Variants in CMC1 observed in about 807,000 individuals in gnomAD.
The protein encoded by CMC1 is C-X9-C motif containing 1, also known as COX assembly mitochondrial protein homolog.
Under a neutral mutation model 14.1 loss-of-function variants are expected in CMC1, and 14 were observed. That is an observed-to-expected ratio of 0.99 (90% CI 0.66 to 1.55). CMC1 has a LOEUF of 1.55. Ranked by LOEUF, CMC1 falls within the 40% of genes most tolerant of loss-of-function variation. The probability of loss-of-function intolerance (pLI) is 0.00; values close to 1 mark genes in which losing one functional copy is unlikely to be tolerated. For missense variants in CMC1, 127 were observed against 123.8 expected, an observed-to-expected ratio of 1.03 and a Z score of -0.12; for synonymous variants, 50 against 38.4, an observed-to-expected ratio of 1.30 and a Z score of -1.12.
chr3:28,307,336 C>A (rs1003363206), intron 2 of CMC1, among the ~76,000 whole-genome samples: 1 of 152,014 alleles, frequency 6.6e-6, no homozygotes, highest in Non-Finnish European at 1.5e-5. Context: ...CCAGCCTGTG[C>A]AATATAGCAA....
chr3:28,309,374 G>A (rs1169921536), intron 2 of CMC1, among the ~76,000 whole-genome samples: 2 of 152,134 alleles, frequency 1.3e-5, no homozygotes, highest in East Asian at 1.9e-4. Flanking sequence ...TGGTGAGTGT[G>A]TGTTATGTAA....
At chr3:28,306,619 A>G (rs1434234323) in intron 2 of CMC1, among the ~76,000 whole-genome samples, 1 of 151,730 alleles carries the variant, frequency 6.6e-6, no homozygotes, top group Non-Finnish European at 1.5e-5. Context: ...TTGTTGGTGA[A>G]CTACTTACAT....
At chr3:28,310,824 A>G (rs1044755943) in intron 2 of CMC1, among the ~76,000 whole-genome samples, 21 of 152,222 alleles carry the variant, frequency 1.4e-4, no homozygotes. Flanking sequence ...GGATGAAACT[A>G]TTCCACCTCA....
intron 1 of CMC1, among the ~76,000 whole-genome samples, chr3:28,248,886 T>G (rs1028222877): frequency 6.6e-6 from 1 of 152,080 alleles, no homozygotes; most frequent in Non-Finnish European, 1.5e-5. Context: ...GCTTCCTGGG[T>G]TTGTGCCATT....
At position 28,316,418 on chromosome 3, in the gene CMC1, T is replaced by G; in HGVS notation, c.195T>G (p.Thr65=). Residue 65 remains threonine (T), a synonymous_variant, in exon 3 of 4, where the codon ACT becomes ACG. Transcript: ENST00000466830. The part of the protein sequence containing the change: ...KENSALKECL[T]AYYNDPAFYE... ...ATTCTGCATTGAAAGAATGTCTAAC[T>G]GCTTAGTAAGTAGTTGTCTCAGCGT... 1 of 1,581,686 alleles carries G rather than the reference T, an allele frequency of 6.3e-7. No individual in the cohort carries two copies. The highest frequency in any genetic ancestry group is 8.6e-7 in the Non-Finnish European group (1 of 1,158,822).
At chr3:28,263,599 T>A (rs928559355) in intron 2 of CMC1, among the ~76,000 whole-genome samples, 1 of 152,038 alleles carries the variant, frequency 6.6e-6, no homozygotes, top group African/African-American at 2.4e-5. Context: ...TAAAAAACAT[T>A]TTTTGTTTTT....
At chr3:28,260,275 T>A (rs1699665960) in intron 1 of CMC1, among the ~76,000 whole-genome samples, 3 of 135,120 alleles carry the variant, frequency 2.2e-5, no homozygotes, top group African/African-American at 8.3e-5. Context: ...GTGTGTAGAT[T>A]TGGTGTGTGT....
intron 2 of CMC1, among the ~76,000 whole-genome samples, chr3:28,312,760 T>C (rs1702701315): frequency 6.6e-6 from 1 of 152,222 alleles, no homozygotes; most frequent in Non-Finnish European, 1.5e-5. Context: ...TGTGAATAAT[T>C]ATTTTGTCCA....
chr3:28,295,910 G>A (rs1701719636), intron 2 of CMC1, among the ~76,000 whole-genome samples: 1 of 151,912 alleles, frequency 6.6e-6, no homozygotes, highest in Non-Finnish European at 1.5e-5. Flanking sequence ...ATGTATAAGT[G>A]GACCTGTGCA....
chr3:28,246,640 C>G (rs755325554), intron 1 of CMC1, among the ~76,000 whole-genome samples: 1 of 152,040 alleles, frequency 6.6e-6, no homozygotes, highest in Non-Finnish European at 1.5e-5. Context: ...ATCTGTCTCT[C>G]GTAGGTGATG....
chr3:28,275,137 G>A (rs575902305), intron 2 of CMC1, among the ~76,000 whole-genome samples: 1 of 152,202 alleles, frequency 6.6e-6, no homozygotes, highest in South Asian at 2.1e-4. Context: ...GCCCTTGCTG[G>A]AGAGGTGTTG....
chr3:28,277,197 G>C (rs1700628146), intron 2 of CMC1, among the ~76,000 whole-genome samples: 1 of 152,114 alleles, frequency 6.6e-6, no homozygotes, highest in African/African-American at 2.4e-5. Flanking sequence ...AGGTGATAGA[G>C]ATTTTATTCT....
rs187582572 is a variant in CMC1 at position 28,251,690 on chromosome 3, A to G, written c.19+9878A>G. ...AAATAATTCTCCTATTCCATTATCA[A>G]AGTATTATATTTTCTTTATAGGAAT... On this transcript the variant is annotated intron_variant, in intron 1 of 3. Coordinates refer to ENST00000466830, the MANE Select transcript of CMC1 (RefSeq NM_182523.2). 1.6e-3 allele frequency among the ~76,000 whole-genome samples: 238 copies of G among 152,306 alleles called. 2 individuals are homozygous for G. In the Middle Eastern group the frequency reaches 0.017, roughly 11 times the overall value.
At chr3:28,288,543 A>C (rs1701313725) in intron 2 of CMC1, among the ~76,000 whole-genome samples, 1 of 152,026 alleles carries the variant, frequency 6.6e-6, no homozygotes, top group African/African-American at 2.4e-5. Flanking sequence ...GAGCCAACTG[A>C]AAATAATTTT....
rs1265139321 is a variant in CMC1, at chr3:28,274,206, G to GTTTTTTTTTTTTTTTTTTTTTTTTTTTT, written c.109+10831_109+10832insTTTTTTTTTTTTTTTTTTTTTTTTTTTT. ...GTGTCATTGGTCTTTGTACTAAAGTGTTTTTGTTTTTTTCTTTTTTTTTTT... is the reference window on the plus strand; with the variant it reads ...GTGTCATTGGTCTTTGTACTAAAGTGTTTTTTTTTTTTTTTTTTTTTTTTTTTTTTTTTGTTTTTTTCTTTTTTTTTTT... On this transcript the variant is annotated intron_variant, in intron 2 of 3. Transcript: ENST00000466830. 7.2e-4 allele frequency among the ~76,000 whole-genome samples: 60 copies of GTTTTTTTTTTTTTTTTTTTTTTTTTTTT among 83,036 alleles called. 4 individuals carry two copies. Among genetic ancestry groups the GTTTTTTTTTTTTTTTTTTTTTTTTTTTT allele is most frequent in the East Asian group, 3.1e-3 (7 of 2,248 alleles). The allele number at this position is 83,036 out of a possible 152,430, so 54.5% of individuals were successfully genotyped here.
rs1445258343 is a variant in CMC1, at chr3:28,324,052, T to A, written c.*4423T>A. The A allele has an allele frequency of 6.2e-7, 1 of 1,603,890 alleles. No individual in the cohort carries two copies. The highest frequency in any genetic ancestry group is 8.5e-7 in the Non-Finnish European group (1 of 1,173,382). On this transcript the variant is annotated 3_prime_UTR_variant, in exon 4 of 4. Coordinates refer to ENST00000466830, the MANE Select transcript of CMC1 (RefSeq NM_182523.2). The stretch of plus-strand genomic sequence containing the variant: ...TGAATCTCTTCCAAATTAATTCTTA[T>A]AAAGGCAGTTCTGATTATGTTGATC...
At position 28,269,337 on chromosome 3, in the gene CMC1, G is replaced by C. The variant is rs193046405; in HGVS notation, c.109+5957G>C. Among the ~76,000 whole-genome samples, 5 of 152,280 alleles carry C rather than the reference G, an allele frequency of 3.3e-5. No homozygotes were observed. The East Asian group carries it at 9.6e-4, about 29-fold the overall frequency. On this transcript the variant is annotated intron_variant, in intron 2 of 3. Coordinates refer to ENST00000466830, the MANE Select transcript of CMC1 (RefSeq NM_182523.2). ...ATGATTATCTTGTTTCTGAAAACAG[G>C]ACAGTTTTGCAATAAAATTATATGT...
chr3:28,269,532 C>T (rs1290469092), intron 2 of CMC1, among the ~76,000 whole-genome samples: 1 of 151,646 alleles, frequency 6.6e-6, no homozygotes, highest in East Asian at 1.9e-4. Flanking sequence ...TGGTTTGCTG[C>T]ACCTATCAAC....
At chr3:28,249,634 G>C (rs1213667670) in intron 1 of CMC1, among the ~76,000 whole-genome samples, 2 of 152,088 alleles carry the variant, frequency 1.3e-5, no homozygotes, top group African/African-American at 4.8e-5. Flanking sequence ...CTGGGGTGGG[G>C]CCCAAGCATT....
Sources: gnomAD v4.1 joint callset for allele counts (sites outside exome capture counted in the v4.1 genomes callset) on GRCh38, gnomAD v4.1.1 for gene constraint, MANE v1.5 for transcripts, NCBI Gene and HGNC (gene_info 2026-07-23, HGNC 2026-07-21) for gene names.